The following ILF2 variants were observed in gnomAD, a reference collection of about 807,000 sequenced individuals.
The protein encoded by ILF2 is interleukin enhancer binding factor 2.
In ILF2, 9 loss-of-function variants were observed where a neutral mutation model predicts 55.3. The ratio of observed to expected loss-of-function variants is 0.16; its 90% confidence interval spans 0.10 to 0.28. ILF2 has a LOEUF of 0.28. Among genes scored for constraint, ILF2 ranks in the 10% least tolerant of loss-of-function variants. The pLI, the probability that ILF2 is intolerant of heterozygous loss-of-function variation, is 1.00. For synonymous variants in ILF2, 151 were observed against 161.8 expected (o/e 0.93, Z 0.50); for missense variants, 266 against 474.9 (o/e 0.56, Z 4.09).
In ILF2 at chr1:153,662,140, T is replaced by C. The variant is rs1669184862; in HGVS notation, c.*256A>G. 2.5e-6 allele frequency: 1 copy of C among 394,262 alleles called. No homozygotes were observed. The allele number at this position is 394,262 out of a possible 1,614,324, so 24.4% of individuals were successfully genotyped here. The stretch of plus-strand genomic sequence containing the variant: ...AAAGTATTAGTTGAGAGAGGGGTTT[T>C]CAGGAGTTGGAGATTATAGAATATT... On this transcript the variant is annotated 3_prime_UTR_variant, in exon 14 of 14. Transcript: ENST00000361891.
rs1026827144 is a variant in ILF2 at position 153,662,933 on chromosome 1, G to A, written c.921+86C>T. On this transcript the variant is annotated intron_variant, in intron 12 of 13. Coordinates refer to ENST00000361891, the MANE Select transcript of ILF2 (RefSeq NM_004515.4). ...TTCAGAATCCCCAAATTCCTGACCC[G>A]TAAAGACCATATTCCGCTTTGCCTG... The A allele has an allele frequency of 4.8e-5, 66 of 1,360,832 alleles. No individual in the cohort carries two copies. In the Admixed American group the frequency reaches 6.8e-4, roughly 14 times the overall value. 84.3% of individuals were successfully genotyped at this position (1,360,832 alleles called of 1,614,324 possible).
chr1:153,670,537 T>C (rs1306846814), intron 1 of ILF2, among the ~76,000 whole-genome samples: 1 of 152,142 alleles, frequency 6.6e-6, no homozygotes, highest in Non-Finnish European at 1.5e-5. Context: ...AAGGTACACA[T>C]TTATCGGGCG....
In ILF2 at chr1:153,664,118, G is replaced by A. The variant is rs779088212; in HGVS notation, c.669C>T (p.Leu223=). ...ENASQSTVKV[L]IRLLKDLRIR... ...TCCTCAAGTCCTTCAGTAGTCTGAT[G>A]AGAACTTTAACTCTGAAAGTAATAG... Residue 223 remains leucine, a synonymous_variant, in exon 10 of 14, where the codon CTC becomes CTT. Transcript: ENST00000361891. 6.8e-6 allele frequency: 11 copies of A among 1,610,644 alleles called. No individual in the cohort carries two copies. Among genetic ancestry groups the A allele is most frequent in the Middle Eastern group, 3.3e-4 (2 of 6,082 alleles).
chr1:153,665,865 T>A, intron 6 of ILF2, 137 bp from the exon 7 acceptor site: 1 of 664,676 alleles, frequency 1.5e-6, no homozygotes, highest in East Asian at 2.8e-5. Context: ...ATATATACTT[T>A]TATAAGAGAA....
chr1:153,667,721 A>G (rs929356903), intron 5 of ILF2, 64 bp from the exon 6 acceptor site: 3 of 1,130,054 alleles, frequency 2.7e-6, no homozygotes, highest in African/African-American at 3.1e-5. Flanking sequence ...AGGTCCTCCC[A>G]GAACTGTTAC....
intron 6 of ILF2, among the ~76,000 whole-genome samples, chr1:153,666,175 C>CT (rs1161253292): frequency 2.1e-4 from 31 of 151,064 alleles, no homozygotes; most frequent in Middle Eastern, 3.4e-3. Flanking sequence ...CAGGCTGCTG[C>CT]TTTTTTTTTC....
intron 9 of ILF2, 128 bp downstream of exon 9, chr1:153,664,268 G>C: frequency 9.6e-7 from 1 of 1,037,682 alleles, no homozygotes; most frequent in Non-Finnish European, 1.5e-6. Context: ...GCTTCCTTAA[G>C]GTAAAAATAA....
At position 153,662,303 on chromosome 1, in the gene ILF2, C is replaced by T; in HGVS notation, c.*93G>A. On this transcript the variant is annotated 3_prime_UTR_variant, in exon 14 of 14. Transcript: ENST00000361891. ...CTTTTCTTCCTGCTATCTTCCCTATCCCACGGAAATGTCTGTCACCATGTA... is the reference window on the plus strand; with the variant it reads ...CTTTTCTTCCTGCTATCTTCCCTATTCCACGGAAATGTCTGTCACCATGTA... 19 of 1,505,108 alleles carry T rather than the reference C, an allele frequency of 1.3e-5. No homozygotes were observed. Among genetic ancestry groups the T allele is most frequent in the Non-Finnish European group, 1.7e-5 (19 of 1,104,644 alleles). 93.2% of individuals were successfully genotyped at this position (1,505,108 alleles called of 1,614,324 possible). A position where few individuals can be genotyped will look rare whatever the true frequency, so the allele number is the denominator to read the frequency against.
At chr1:153,664,852 C>T (rs1428448506) in intron 8 of ILF2, among the ~76,000 whole-genome samples, 1 of 152,226 alleles carries the variant, frequency 6.6e-6, no homozygotes, top group Non-Finnish European at 1.5e-5. Flanking sequence ...GCCACCGCAC[C>T]CGACCAACTC....
intron 11 of ILF2, 22 bp from the exon 12 acceptor site, chr1:153,663,155 G>C (rs1669215209): frequency 6.2e-7 from 1 of 1,613,298 alleles, no homozygotes; most frequent in African/African-American, 1.3e-5. Context: ...GGAGGTATGA[G>C]GTATTAAAGG....
chr1:153,662,261 C>G lies in ILF2; in HGVS notation c.*135G>C, dbSNP rs748597050. ...CCAATATCAAAACCCAGTGGAATGA[C>G]ACTTCTATGGAGTTTACTTTTCTTC... On this transcript the variant is annotated 3_prime_UTR_variant, in exon 14 of 14. Transcript: ENST00000361891. 1 of 1,095,278 alleles carries G rather than the reference C, an allele frequency of 9.1e-7. No individual in the cohort carries two copies. The highest frequency in any genetic ancestry group is 1.3e-6 in the Non-Finnish European group (1 of 763,770). 67.8% of individuals were successfully genotyped at this position (1,095,278 alleles called of 1,614,324 possible). A position where few individuals can be genotyped will look rare whatever the true frequency, so the allele number is the denominator to read the frequency against.
intron 13 of ILF2, 66 bp downstream of exon 13, chr1:153,662,634 CATTTA>C: frequency 1.3e-6 from 2 of 1,569,610 alleles, no homozygotes; most frequent in Non-Finnish European, 1.8e-6. Context: ...ATATTAAAGA[CATTTA>C]AGTAGTGTAC....
In ILF2 at chr1:153,663,956, TTACTACTACTAC is replaced by T. The variant is rs10598064; in HGVS notation, c.744+75_744+86del. The T allele has an allele frequency of 1.1e-3, 484 of 423,114 alleles. 3 individuals carry two copies. Among genetic ancestry groups the T allele is most frequent in the African/African-American group, 5.9e-3 (250 of 42,338 alleles). The allele number at this position is 423,114 out of a possible 1,614,324, so 26.2% of individuals were successfully genotyped here. A position where few individuals can be genotyped will look rare whatever the true frequency, so the allele number is the denominator to read the frequency against. On this transcript the variant is annotated intron_variant, in intron 10 of 13. Transcript: ENST00000361891. Reference sequence around the variant, plus strand: ...TTTCAGACTCTGGTGAATTTCAGAGTTACTACTACTACTACTACTACTACTACTACTACTACT... The same window carrying T: ...TTTCAGACTCTGGTGAATTTCAGAGTTACTACTACTACTACTACTACTACT...
intron 12 of ILF2, 51 bp from the exon 13 acceptor site, chr1:153,662,846 T>G (rs1055913557): frequency 2.7e-6 from 4 of 1,469,886 alleles, no homozygotes; most frequent in Non-Finnish European, 9.5e-7. Flanking sequence ...GGACCTTATT[T>G]GAGTAATACC....
Position 153,668,524 on chromosome 1 carries a change from G to C in ILF2, c.142C>G (p.Pro48Ala), listed in dbSNP as rs749472870. The change falls in exon 4 of 14, where the codon CCT becomes GCT. Residue 48 changes from proline to alanine, a missense_variant. Physicochemically the swap from Pro to Ala is conservative, Grantham distance 27. Coordinates refer to ENST00000361891, the MANE Select transcript of ILF2 (RefSeq NM_004515.4). Reference sequence around the variant, plus strand: ...GCCTCACTGAAGGAAGTTTCATCAGGTGCTGGCTTGACCCGGGGAAAGGCC... The same window carrying C: ...GCCTCACTGAAGGAAGTTTCATCAGCTGCTGGCTTGACCCGGGGAAAGGCC... ...EMAFPRVKPA[P>A]DETSFSEALL... 1 of 1,614,074 alleles carries C rather than the reference G, an allele frequency of 6.2e-7. No homozygotes were observed. Among genetic ancestry groups the C allele is most frequent in the Non-Finnish European group, 8.5e-7 (1 of 1,179,962 alleles).
rs1363597161 is a variant in ILF2 at position 153,663,335 on chromosome 1, C to T, written c.745-59G>A. 8 of 1,499,134 alleles carry T rather than the reference C, an allele frequency of 5.3e-6. No individual in the cohort carries two copies. In the Admixed American group the frequency reaches 1.2e-4, roughly 22 times the overall value. The allele number at this position is 1,499,134 out of a possible 1,614,324, so 92.9% of individuals were successfully genotyped here. On this transcript the variant is annotated intron_variant, in intron 10 of 13. Coordinates refer to ENST00000361891, the MANE Select transcript of ILF2 (RefSeq NM_004515.4). ...AAAATGGCACTTCTGATAACTAGAA[C>T]TTTATTTTTTAGAGACAGGGCCTCA...
In ILF2 at chr1:153,670,971, C is replaced by G; in HGVS notation, c.-49G>C. On this transcript the variant is annotated 5_prime_UTR_variant, in exon 1 of 14. Transcript: ENST00000361891. ...GAGGCCGCACCAACCGCCCCTTCCT[C>G]TGAGTAGCAGACAACTGAAGAGGCG... 6.2e-7 allele frequency: 1 copy of G among 1,613,654 alleles called. No individual in the cohort carries two copies. The highest frequency in any genetic ancestry group is 8.5e-7 in the Non-Finnish European group (1 of 1,179,480).
In ILF2 at chr1:153,669,840, T is replaced by C. The variant is rs1669399428; in HGVS notation, c.104A>G (p.Tyr35Cys). The change falls in exon 3 of 14, where the codon TAT becomes TGT. Residue 35 changes from tyrosine to cysteine, a missense_variant. Coordinates refer to ENST00000361891, the MANE Select transcript of ILF2 (RefSeq NM_004515.4). Reference sequence around the variant, plus strand: ...TCATTAACCCAAGGTACTCACCAAATAGAAGTCAAATGGGATATGTGGTAC... The same window carrying C: ...TCATTAACCCAAGGTACTCACCAAACAGAAGTCAAATGGGATATGTGGTAC... Reference protein sequence around the residue: ...PFVPHIPFDFYLCEMAFPRVK... With the variant: ...PFVPHIPFDFCLCEMAFPRVK... The C allele has an allele frequency of 2.5e-6, 4 of 1,612,024 alleles. No homozygotes were observed. In the African/African-American group the frequency reaches 4.0e-5, roughly 16 times the overall value.
intron 9 of ILF2, 75 bp downstream of exon 9, chr1:153,664,321 G>A: frequency 8.0e-7 from 1 of 1,249,664 alleles, no homozygotes; most frequent in South Asian, 1.2e-5. Flanking sequence ...TCTGTCAGAG[G>A]AAGTATGGGG....
Sources: allele counts gnomAD v4.1 joint callset (sites outside exome capture counted in the v4.1 genomes callset), GRCh38; gene constraint gnomAD v4.1.1; transcripts MANE v1.5; gene names NCBI Gene and HGNC (gene_info 2026-07-23, HGNC 2026-07-21).